HS6ST3: variants seen among roughly 807,000 people sequenced by gnomAD.
HS6ST3 encodes heparan-sulfate 6-O-sulfotransferase 3.
In HS6ST3, 12 loss-of-function variants were observed where a neutral mutation model predicts 36.7. That is an observed-to-expected ratio of 0.33 (90% CI 0.21 to 0.53). The LOEUF (loss-of-function observed/expected upper bound fraction) is 0.53, where lower values mean the gene tolerates loss of function less well. Among genes scored for constraint, HS6ST3 ranks in the 20% least tolerant of loss-of-function variants. The probability of loss-of-function intolerance (pLI) is 0.95; values close to 1 mark genes in which losing one functional copy is unlikely to be tolerated. For missense variants in HS6ST3, 584 were observed against 640.9 expected, an observed-to-expected ratio of 0.91 and a Z score of 0.96; for synonymous variants, 240 against 257.5, an observed-to-expected ratio of 0.93 and a Z score of 0.65.
intron 1 of HS6ST3, among the ~76,000 whole-genome samples, chr13:96,742,781 C>T (rs144460768): frequency 1.3e-5 from 2 of 151,974 alleles, no homozygotes; most frequent in African/African-American, 4.8e-5. Flanking sequence ...TATTAAAATG[C>T]TGCAGATGAA....
chr13:96,095,863 G>GGT (rs141939376), intron 1 of HS6ST3, among the ~76,000 whole-genome samples: 44,361 of 139,998 alleles, frequency 0.32, 7,361 homozygotes, highest in Non-Finnish European at 0.4. Flanking sequence ...TTATATGACT[G>GGT]GTGTGTGTGT....
chr13:96,710,656 C>T (rs1373818512), intron 1 of HS6ST3, among the ~76,000 whole-genome samples: 4 of 152,252 alleles, frequency 2.6e-5, no homozygotes, highest in Non-Finnish European at 4.4e-5. Context: ...AGTGCACAGG[C>T]CTGGATACTG....
chr13:96,295,861 T>A (rs1055492694), intron 1 of HS6ST3, among the ~76,000 whole-genome samples: 6 of 152,032 alleles, frequency 3.9e-5, no homozygotes, highest in Admixed American at 2.6e-4. Context: ...GTTACACACA[T>A]AGGAGGGGCA....
At chr13:96,304,142 CA>C (rs71113990) in intron 1 of HS6ST3, among the ~76,000 whole-genome samples, 8,464 of 135,680 alleles carry the variant, frequency 0.062, 312 homozygotes, top group East Asian at 0.13. Flanking sequence ...GACTCCATCT[CA>C]AAAAAAAAAA....
chr13:96,254,017 G>A (rs1203838013), intron 1 of HS6ST3, among the ~76,000 whole-genome samples: 1 of 152,142 alleles, frequency 6.6e-6, no homozygotes, highest in African/African-American at 2.4e-5. Flanking sequence ...AGTGAAAAGG[G>A]TAAGTATTAT....
intron 1 of HS6ST3, among the ~76,000 whole-genome samples, chr13:96,628,533 G>A (rs1253676440): frequency 2.0e-5 from 3 of 151,806 alleles, no homozygotes; most frequent in Non-Finnish European, 4.4e-5. Flanking sequence ...TTACTTACTG[G>A]CTTTCTGTTT....
chr13:96,621,829 G>A (rs1233238990), intron 1 of HS6ST3, among the ~76,000 whole-genome samples: 1 of 152,162 alleles, frequency 6.6e-6, no homozygotes, highest in Non-Finnish European at 1.5e-5. Context: ...GCAAAGTCAG[G>A]TTTATTGCAC....
At chr13:96,133,387 A>G (rs1283706334) in intron 1 of HS6ST3, among the ~76,000 whole-genome samples, 2 of 150,754 alleles carry the variant, frequency 1.3e-5, no homozygotes, top group Non-Finnish European at 2.9e-5. Flanking sequence ...CGGTCTCCCA[A>G]AGTGCTGGAA....
At chr13:96,349,416 A>G (rs977300757) in intron 1 of HS6ST3, among the ~76,000 whole-genome samples, 1 of 151,716 alleles carries the variant, frequency 6.6e-6, no homozygotes, top group African/African-American at 2.4e-5. Context: ...TTCTTTGTTT[A>G]TTTCTCTCTC....
intron 1 of HS6ST3, among the ~76,000 whole-genome samples, chr13:96,670,704 T>C (rs1196142821): frequency 6.6e-6 from 1 of 152,170 alleles, no homozygotes; most frequent in East Asian, 1.9e-4. Context: ...ACTGTTCTTT[T>C]TATATTTTTG....
intron 1 of HS6ST3, among the ~76,000 whole-genome samples, chr13:96,249,711 G>A (rs1249248799): frequency 1.3e-5 from 2 of 152,078 alleles, no homozygotes; most frequent in African/African-American, 4.8e-5. Flanking sequence ...TTGCAAAGAG[G>A]TAGAAATAAC....
intron 1 of HS6ST3, among the ~76,000 whole-genome samples, chr13:96,482,169 T>C (rs1187833043): frequency 6.6e-6 from 1 of 152,198 alleles, no homozygotes. Flanking sequence ...TTATTAATAA[T>C]AACCCAGAGA....
intron 1 of HS6ST3, among the ~76,000 whole-genome samples, chr13:96,483,856 C>T (rs987778349): frequency 3.3e-5 from 5 of 152,034 alleles, no homozygotes; most frequent in South Asian, 2.1e-4. Flanking sequence ...CTTGTGTTAT[C>T]GTCTAGAGTT....
intron 1 of HS6ST3, among the ~76,000 whole-genome samples, chr13:96,295,008 T>C (rs954489404): frequency 1.1e-4 from 17 of 152,106 alleles, no homozygotes; most frequent in African/African-American, 4.1e-4. Context: ...AAAGGAGTCA[T>C]AGCAAGAAAC....
intron 1 of HS6ST3, among the ~76,000 whole-genome samples, chr13:96,781,630 G>A (rs1411500479): frequency 6.6e-6 from 1 of 152,146 alleles, no homozygotes; most frequent in African/African-American, 2.4e-5. Flanking sequence ...GGAAACCAGG[G>A]CAGATCATAA....
intron 1 of HS6ST3, among the ~76,000 whole-genome samples, chr13:96,374,521 T>G (rs16953159): frequency 0.014 from 2,201 of 152,298 alleles, 26 homozygotes; most frequent in East Asian, 0.056. Context: ...GAGCAGATCT[T>G]GAGGACCTTC....
At chr13:96,287,635 AAT>A (rs2054810033) in intron 1 of HS6ST3, among the ~76,000 whole-genome samples, 1 of 152,164 alleles carries the variant, frequency 6.6e-6, no homozygotes, top group Non-Finnish European at 1.5e-5. Flanking sequence ...TACAGAGATG[AAT>A]ATTTCTACTC....
intron 1 of HS6ST3, among the ~76,000 whole-genome samples, chr13:96,254,605 T>C (rs762392692): frequency 4.0e-5 from 6 of 150,598 alleles, no homozygotes; most frequent in Non-Finnish European, 7.4e-5. Context: ...CCTGGCCCTT[T>C]ACAAAGACAA....
intron 1 of HS6ST3, among the ~76,000 whole-genome samples, chr13:96,512,424 A>G (rs1594797180): frequency 6.6e-6 from 1 of 152,354 alleles, no homozygotes; most frequent in Non-Finnish European, 1.5e-5. Flanking sequence ...AAAATTCTCC[A>G]AAAATCCATT....
Sources: gnomAD v4.1 joint callset for allele counts (sites outside exome capture counted in the v4.1 genomes callset) on GRCh38, gnomAD v4.1.1 for gene constraint, MANE v1.5 for transcripts, NCBI Gene and HGNC (gene_info 2026-07-23, HGNC 2026-07-21) for gene names.